PRKN: variants seen among roughly 807,000 people sequenced by gnomAD.
PRKN encodes parkin RBR E3 ubiquitin protein ligase.
A neutral mutation model predicts 59.5 loss-of-function variants in PRKN; 56 were observed. The observed-to-expected ratio is 0.94, with a 90% CI of 0.76 to 1.18. PRKN has a LOEUF of 1.18. Ranked by LOEUF, PRKN falls within the 50% of genes most tolerant of loss-of-function variation. The pLI, the probability that PRKN is intolerant of heterozygous loss-of-function variation, is 0.00. For synonymous variants in PRKN, 250 were observed against 222.1 expected (o/e 1.13, Z -1.12); for missense variants, 657 against 596.4 (o/e 1.10, Z -1.06).
chr6:161,729,655 G>A (rs971788264), intron 7 of PRKN, among the ~76,000 whole-genome samples: 4 of 152,200 alleles, frequency 2.6e-5, no homozygotes, highest in Non-Finnish European at 5.9e-5. Flanking sequence ...AGGAGTCTGT[G>A]ATTACTGAGG....
At chr6:161,992,027 C>G (rs540027644) in intron 5 of PRKN, among the ~76,000 whole-genome samples, 7 of 152,032 alleles carry the variant, frequency 4.6e-5, no homozygotes, top group African/African-American at 1.7e-4. Flanking sequence ...AAACAGATTA[C>G]AAGTCAAAAA....
intron 6 of PRKN, among the ~76,000 whole-genome samples, chr6:161,789,172 TATTAG>T (rs1285360499): frequency 6.6e-6 from 1 of 152,174 alleles, no homozygotes; most frequent in African/African-American, 2.4e-5. Context: ...AATAAAAAGT[TATTAG>T]ATTAATCACC....
At chr6:162,690,707 ATTTTCCTCTCG>A (rs1206318801) in intron 1 of PRKN, among the ~76,000 whole-genome samples, 1 of 152,068 alleles carries the variant, frequency 6.6e-6, no homozygotes, top group African/African-American at 2.4e-5. Flanking sequence ...ACAACATGCC[ATTTTCCTCTCG>A]TACTAGAAAT....
intron 4 of PRKN, among the ~76,000 whole-genome samples, chr6:162,068,261 G>A (rs955933797): frequency 3.9e-4 from 42 of 109,084 alleles, no homozygotes; most frequent in African/African-American, 9.5e-4. Context: ...CTTTATTATC[G>A]ACAGGTTTTT....
chr6:161,813,369 G>T (rs150338701), intron 6 of PRKN, among the ~76,000 whole-genome samples: 1 of 152,120 alleles, frequency 6.6e-6, no homozygotes, highest in East Asian at 1.9e-4. Flanking sequence ...GCGGCGAGGC[G>T]GTGCAGTATC....
intron 2 of PRKN, among the ~76,000 whole-genome samples, chr6:162,281,266 G>C (rs1316551633): frequency 3.9e-5 from 6 of 151,976 alleles, no homozygotes; most frequent in Non-Finnish European, 8.8e-5. Context: ...GGGCCTGTCA[G>C]GGGGTGGGGG....
rs1181471576 is a variant in PRKN, at chr6:161,497,544, G to A, written c.1083+51310C>T. On this transcript the variant is annotated intron_variant, in intron 9 of 11. Coordinates refer to ENST00000366898, the MANE Select transcript of PRKN (RefSeq NM_004562.3). This position sits in a 1 kb window ranked among gnomAD's most constrained non-coding sequence, Gnocchi z 4.6. ...ATTCTCAAGTCTGTGTGTGTGCACA[G>A]TGCTTACATGTCTCTCTCTCTCTCT... 6.8e-6 allele frequency among the ~76,000 whole-genome samples: 1 copy of A among 146,086 alleles called. No individual in the cohort carries two copies. Among genetic ancestry groups the A allele is most frequent in the African/African-American group, 2.6e-5 (1 of 37,804 alleles).
intron 2 of PRKN, among the ~76,000 whole-genome samples, chr6:162,296,580 C>A (rs1781689541): frequency 6.6e-6 from 1 of 152,118 alleles, no homozygotes; most frequent in Admixed American, 6.6e-5. Flanking sequence ...TCTATCCATT[C>A]TTTTGCCAAC....
intron 2 of PRKN, among the ~76,000 whole-genome samples, chr6:162,325,661 C>A (rs1372837124): frequency 6.6e-6 from 1 of 152,142 alleles, no homozygotes; most frequent in Non-Finnish European, 1.5e-5. Flanking sequence ...CTGAATTTCA[C>A]ATTCATTTTA....
chr6:162,681,850 C>T (rs917557922), intron 1 of PRKN, among the ~76,000 whole-genome samples: 5 of 151,994 alleles, frequency 3.3e-5, no homozygotes, highest in African/African-American at 4.8e-5. Context: ...AACTCCCACC[C>T]GCTCCCACCC....
intron 2 of PRKN, among the ~76,000 whole-genome samples, chr6:162,384,119 G>A (rs1412089069): frequency 6.6e-6 from 1 of 152,176 alleles, no homozygotes; most frequent in Non-Finnish European, 1.5e-5. Context: ...TATTATTTAT[G>A]TGTTCACTGG....
intron 7 of PRKN, among the ~76,000 whole-genome samples, chr6:161,644,824 C>T (rs1783865991): frequency 6.6e-6 from 1 of 152,204 alleles, no homozygotes; most frequent in Admixed American, 6.5e-5. Context: ...AGGCCAACAG[C>T]CAAGGCTGCC....
At chr6:161,638,752 T>C (rs1783623523) in intron 7 of PRKN, among the ~76,000 whole-genome samples, 2 of 147,008 alleles carry the variant, frequency 1.4e-5, no homozygotes, top group Admixed American at 1.3e-4. Flanking sequence ...TTTTTTTTTT[T>C]TTTTTTTGAG....
intron 1 of PRKN, among the ~76,000 whole-genome samples, chr6:162,449,389 C>T (rs1237746271): frequency 6.6e-6 from 1 of 152,142 alleles, no homozygotes; most frequent in Non-Finnish European, 1.5e-5. Flanking sequence ...TATTTCCCTA[C>T]CCAATAATTT....
chr6:161,910,568 T>C (rs2128236919), intron 6 of PRKN, among the ~76,000 whole-genome samples: 1 of 152,272 alleles, frequency 6.6e-6, no homozygotes, highest in South Asian at 2.1e-4. Context: ...AGAATCTGAA[T>C]ATTACTTGTA....
At chr6:162,135,468 C>A (rs933512244) in intron 4 of PRKN, among the ~76,000 whole-genome samples, 5 of 152,156 alleles carry the variant, frequency 3.3e-5, no homozygotes, top group African/African-American at 1.2e-4. Flanking sequence ...ACTTCATTCA[C>A]CTATTAAGCT....
chr6:161,745,851 G>A (rs1286082459), intron 7 of PRKN, among the ~76,000 whole-genome samples: 2 of 152,230 alleles, frequency 1.3e-5, no homozygotes, highest in Non-Finnish European at 1.5e-5. Flanking sequence ...GCAGCCTGGT[G>A]TGTATTCAAT....
Position 161,372,554 on chromosome 6 carries a change from G to T in PRKN, c.1168-12349C>A, listed in dbSNP as rs1478449943. Among the ~76,000 whole-genome samples the T allele has an allele frequency of 6.6e-6, 1 of 152,198 alleles. No homozygotes were observed. The highest frequency in any genetic ancestry group is 1.5e-5 in the Non-Finnish European group (1 of 68,030). ...GGGATACATCCCAGTAAACAAGAGA[G>T]ATGACAAATAGCAAGCCAACAATCC... On this transcript the variant is annotated intron_variant, in intron 10 of 11. Transcript: ENST00000366898. The surrounding 1 kb of genome is among the most constrained non-coding windows in gnomAD (Gnocchi z 4.2).
In PRKN at chr6:161,352,719, T is replaced by C. The variant is rs1368612109; in HGVS notation, c.1286-2508A>G. On this transcript the variant is annotated intron_variant, in intron 11 of 11. Coordinates refer to ENST00000366898, the MANE Select transcript of PRKN (RefSeq NM_004562.3). The surrounding 1 kb of genome is among the most constrained non-coding windows in gnomAD (Gnocchi z 5.8). ...ATAAGCATATATAAACACAAATATGTATGAAGAGTGTGTGTGTGTGTGTGT... is the reference window on the plus strand; with the variant it reads ...ATAAGCATATATAAACACAAATATGCATGAAGAGTGTGTGTGTGTGTGTGT... Among the ~76,000 whole-genome samples, 3 of 121,150 alleles carry C rather than the reference T, an allele frequency of 2.5e-5. No individual in the cohort carries two copies. Among genetic ancestry groups the C allele is most frequent in the Admixed American group, 2.5e-4 (3 of 12,222 alleles). 79.5% of individuals were successfully genotyped at this position (121,150 alleles called of 152,430 possible).
Sources: allele counts gnomAD v4.1 joint callset (sites outside exome capture counted in the v4.1 genomes callset), GRCh38; gene constraint gnomAD v4.1.1; non-coding constraint Gnocchi (gnomAD v3.1); transcripts MANE v1.5; gene names NCBI Gene and HGNC (gene_info 2026-07-23, HGNC 2026-07-21).